Variants in ATG5 observed in about 807,000 individuals in gnomAD.
ATG5 encodes the protein autophagy protein 5.
In ATG5, 14 loss-of-function variants were observed where a neutral mutation model predicts 36.5. The observed-to-expected ratio is 0.38, with a 90% CI of 0.25 to 0.60. The LOEUF (loss-of-function observed/expected upper bound fraction) is 0.60. Ranked by LOEUF, ATG5 falls within the 20% of genes least tolerant of loss-of-function variation. ATG5 has a pLI of 0.60. For missense variants in ATG5, 195 were observed against 326.7 expected (o/e 0.60, Z 3.11); for synonymous variants, 95 against 101.5 (o/e 0.94, Z 0.38).
At chr6:106,254,991 T>C (rs1418921699) in intron 5 of ATG5, among the ~76,000 whole-genome samples, 4 of 152,240 alleles carry the variant, frequency 2.6e-5, no homozygotes, top group Non-Finnish European at 5.9e-5. Flanking sequence ...ATACCCTCTA[T>C]GTCCCTTTTG....
At chr6:106,313,829 A>G (rs1352298848) in intron 2 of ATG5, among the ~76,000 whole-genome samples, 3 of 152,228 alleles carry the variant, frequency 2.0e-5, no homozygotes, top group Admixed American at 6.5e-5. Flanking sequence ...ACTAGCCATC[A>G]CTGATGTTTT....
intron 6 of ATG5, among the ~76,000 whole-genome samples, chr6:106,207,195 G>A (rs1776667098): frequency 1.3e-5 from 2 of 152,130 alleles, no homozygotes; most frequent in South Asian, 2.1e-4. Flanking sequence ...AAACTGAGGT[G>A]GTAATGGCTG....
intron 2 of ATG5, among the ~76,000 whole-genome samples, chr6:106,312,725 C>T (rs1182588438): frequency 2.0e-5 from 3 of 151,502 alleles, no homozygotes; most frequent in African/African-American, 7.3e-5. Flanking sequence ...CAGGACAATG[C>T]CACAAGATGG....
intron 6 of ATG5, among the ~76,000 whole-genome samples, chr6:106,242,373 G>A (rs1778162760): frequency 6.6e-6 from 1 of 152,178 alleles, no homozygotes; most frequent in Admixed American, 6.5e-5. Context: ...GGCAATTAGT[G>A]TATGATTCCT....
intron 1 of ATG5, among the ~76,000 whole-genome samples, chr6:106,322,998 C>T (rs1329235895): frequency 4.0e-5 from 6 of 151,886 alleles, no homozygotes; most frequent in Non-Finnish European, 8.8e-5. Flanking sequence ...CGGCTCTCTG[C>T]AAGCTCTGCC....
intron 6 of ATG5, among the ~76,000 whole-genome samples, chr6:106,245,258 G>C (rs1778282079): frequency 6.6e-6 from 1 of 152,126 alleles, no homozygotes. Flanking sequence ...ATGAATTACA[G>C]ATGAAAAATA....
At chr6:106,198,608 C>T (rs1165066510) in intron 7 of ATG5, among the ~76,000 whole-genome samples, 1 of 152,054 alleles carries the variant, frequency 6.6e-6, no homozygotes, top group Non-Finnish European at 1.5e-5. Context: ...GAAACCCTGT[C>T]TCTACTAAAA....
At chr6:106,258,112 G>A (rs986835613) in intron 5 of ATG5, among the ~76,000 whole-genome samples, 4 of 152,024 alleles carry the variant, frequency 2.6e-5, no homozygotes, top group African/African-American at 9.7e-5. Context: ...TGTAATGCTT[G>A]ATGGCTCAAG....
At chr6:106,312,227 T>A (rs2763214) in intron 2 of ATG5, among the ~76,000 whole-genome samples, 12,992 of 152,188 alleles carry the variant, frequency 0.085, 585 homozygotes, top group South Asian at 0.13. Context: ...CTGGAGTAAG[T>A]TACCGACTAT....
chr6:106,245,569 T>C (rs967535552), intron 6 of ATG5, among the ~76,000 whole-genome samples: 5 of 152,196 alleles, frequency 3.3e-5, no homozygotes, highest in Admixed American at 6.5e-5. Flanking sequence ...ATTCCTAAGA[T>C]GGTTTTGAGG....
intron 6 of ATG5, among the ~76,000 whole-genome samples, chr6:106,202,987 TGAGAGAGAGACAGA>T (rs938133435): frequency 3.3e-5 from 5 of 151,942 alleles, no homozygotes; most frequent in African/African-American, 4.8e-5. Context: ...ATCTAATGGT[TGAGAGAGAGACAGA>T]GAGAGAGAGA....
intron 7 of ATG5, among the ~76,000 whole-genome samples, chr6:106,187,501 G>T (rs1419495219): frequency 6.8e-6 from 1 of 146,326 alleles, no homozygotes; most frequent in African/African-American, 2.5e-5. Flanking sequence ...TAATGAAAAA[G>T]AAAAAAAAAA....
chr6:106,210,166 GA>G (rs1776801824), intron 6 of ATG5, among the ~76,000 whole-genome samples: 2 of 152,158 alleles, frequency 1.3e-5, no homozygotes, highest in South Asian at 2.1e-4. Flanking sequence ...AATGAGTGAG[GA>G]AAGGTGGGGA....
chr6:106,296,548 T>G (rs1186843678), intron 3 of ATG5, among the ~76,000 whole-genome samples: 1 of 152,258 alleles, frequency 6.6e-6, no homozygotes, highest in East Asian at 1.9e-4. Context: ...CTGGGCGTGG[T>G]GGCTCACGCC....
intron 6 of ATG5, among the ~76,000 whole-genome samples, chr6:106,234,613 C>A (rs1339634207): frequency 6.6e-6 from 1 of 152,200 alleles, no homozygotes; most frequent in African/African-American, 2.4e-5. Flanking sequence ...GTTTGAATGG[C>A]TCTTCAGAAT....
rs141929876 is a variant in ATG5, at chr6:106,246,887, A to C, written c.573+1263T>G. On this transcript the variant is annotated intron_variant, in intron 6 of 7. Coordinates refer to ENST00000369076, the MANE Select transcript of ATG5 (RefSeq NM_004849.4). ...AAATAAAATTGACAAATGATAAATG[A>C]TTTAATAAATTAGAAATTCAAATGC... Among the ~76,000 whole-genome samples the C allele has an allele frequency of 1.7e-4, 26 of 152,374 alleles. 1 individual carries two copies. The East Asian group carries it at 4.4e-3, about 26-fold the overall frequency.
At chr6:106,268,871 G>A (rs1024723843) in intron 5 of ATG5, among the ~76,000 whole-genome samples, 6 of 151,704 alleles carry the variant, frequency 4.0e-5, no homozygotes, top group East Asian at 3.9e-4. Flanking sequence ...ACACACGGGG[G>A]CCTGTCGGTG....
intron 1 of ATG5, among the ~76,000 whole-genome samples, chr6:106,321,413 C>T (rs1439073011): frequency 6.6e-6 from 1 of 151,180 alleles, no homozygotes; most frequent in Non-Finnish European, 1.5e-5. Context: ...GGATGGAGTG[C>T]AGTGGCGCCA....
At chr6:106,201,948 T>G (rs1395587641) in intron 7 of ATG5, 24 bp downstream of exon 7, 5 of 1,527,312 alleles carry the variant, frequency 3.3e-6, no homozygotes, top group South Asian at 1.2e-5. Flanking sequence ...GAAAGAAATG[T>G]TTTAATGTTG....
Sources: allele counts gnomAD v4.1 joint callset (sites outside exome capture counted in the v4.1 genomes callset), GRCh38; gene constraint gnomAD v4.1.1; transcripts MANE v1.5; gene names NCBI Gene and HGNC (gene_info 2026-07-23, HGNC 2026-07-21).